The following ROBO1 variants were observed in gnomAD, a reference collection of about 807,000 sequenced individuals.
ROBO1 encodes roundabout guidance receptor 1, also known as roundabout homolog 1.
In ROBO1, 149 loss-of-function variants were observed where a neutral mutation model predicts 195.9. The observed-to-expected ratio is 0.76, with a 90% CI of 0.67 to 0.87. The LOEUF is 0.87. ROBO1 is among the 40% of genes least tolerant of loss of function. ROBO1 has a pLI of 0.00. For synonymous variants in ROBO1, 816 were observed against 733.2 expected, an observed-to-expected ratio of 1.11 and a Z score of -1.82; for missense variants, 1,933 against 2,068.3, an observed-to-expected ratio of 0.93 and a Z score of 1.27.
intron 1 of ROBO1, among the ~76,000 whole-genome samples, chr3:79,738,535 G>GA (rs397938050): frequency 7.1e-6 from 1 of 141,582 alleles, no homozygotes; most frequent in East Asian, 1.9e-4. Flanking sequence ...GACACTCATA[G>GA]AAAAAAGTTA....
chr3:78,834,883 C>T (rs1036137707), intron 4 of ROBO1, among the ~76,000 whole-genome samples: 1 of 151,984 alleles, frequency 6.6e-6, no homozygotes, highest in African/African-American at 2.4e-5. Flanking sequence ...TTCTTTCTTC[C>T]ATACTGATTA....
At chr3:78,987,392 C>A (rs1363363619) in intron 3 of ROBO1, among the ~76,000 whole-genome samples, 1 of 151,840 alleles carries the variant, frequency 6.6e-6, no homozygotes, top group African/African-American at 2.4e-5. Context: ...GACTCTTAAG[C>A]CTCAAGAAAT....
rs1308229074 is a variant in ROBO1, at chr3:78,597,796, C to CCAT, written c.*1114_*1116dup. ...ACAATAAAGTATGCATGTTACTTCA[C>CCAT]CATCTGTCATTATTCAAATATTCCA... On this transcript the variant is annotated 3_prime_UTR_variant, in exon 31 of 31. Coordinates refer to ENST00000464233, the MANE Select transcript of ROBO1 (RefSeq NM_002941.4). The CCAT allele has an allele frequency of 1.3e-5, 2 of 152,378 alleles. No homozygotes were observed. Among genetic ancestry groups the CCAT allele is most frequent in the African/African-American group, 2.4e-5 (1 of 41,376 alleles). The allele number at this position is 152,378 out of a possible 1,614,324, so 9.4% of individuals were successfully genotyped here. A position where few individuals can be genotyped will look rare whatever the true frequency, so the allele number is the denominator to read the frequency against.
chr3:79,014,305 A>G (rs1393365661), intron 3 of ROBO1, among the ~76,000 whole-genome samples: 1 of 151,942 alleles, frequency 6.6e-6, no homozygotes, highest in Non-Finnish European at 1.5e-5. Flanking sequence ...ACCCATCTCT[A>G]CTACTAAAAA....
At chr3:79,629,268 A>G (rs984944410) in intron 1 of ROBO1, among the ~76,000 whole-genome samples, 6 of 152,170 alleles carry the variant, frequency 3.9e-5, no homozygotes, top group African/African-American at 1.4e-4. Context: ...ATAAGTCTCA[A>G]TAAATTCAAA....
At chr3:79,556,889 A>G (rs1436087962) in intron 2 of ROBO1, among the ~76,000 whole-genome samples, 1 of 151,408 alleles carries the variant, frequency 6.6e-6, no homozygotes, top group Admixed American at 6.6e-5. Context: ...TTACTCTCAC[A>G]TGCAATTTTT....
At chr3:79,337,155 A>C (rs1559827825) in intron 2 of ROBO1, among the ~76,000 whole-genome samples, 2 of 152,236 alleles carry the variant, frequency 1.3e-5, no homozygotes, top group East Asian at 3.9e-4. Flanking sequence ...GAGACTTTGG[A>C]CTATGGACTT....
chr3:79,589,388 C>A (rs1354855055), intron 2 of ROBO1, among the ~76,000 whole-genome samples: 1 of 151,668 alleles, frequency 6.6e-6, no homozygotes, highest in East Asian at 1.9e-4. Context: ...CATTGTTCAG[C>A]CTGTTAATTA....
chr3:78,966,020 C>T lies in ROBO1; in HGVS notation c.173-27093G>A, dbSNP rs544576245. Among the ~76,000 whole-genome samples, 19 of 152,274 alleles carry T rather than the reference C, an allele frequency of 1.2e-4. 1 individual carries two copies. Among genetic ancestry groups the T allele is most frequent in the African/African-American group, 3.4e-4 (14 of 41,564 alleles). ...GTCCCCAATCCCCAGCTGCAGCAGC[C>T]GGCATTAGCCCCTGAGCTCCATCTC... On this transcript the variant is annotated intron_variant, in intron 3 of 30. Transcript: ENST00000464233.
chr3:79,264,961 G>C (rs983356230), intron 2 of ROBO1, among the ~76,000 whole-genome samples: 1 of 151,806 alleles, frequency 6.6e-6, no homozygotes, highest in Non-Finnish European at 1.5e-5. Context: ...TGAAACAGCC[G>C]GATTCTAGGT....
intron 2 of ROBO1, among the ~76,000 whole-genome samples, chr3:79,149,513 TTTGTTG>T (rs4068910): frequency 5.4e-4 from 81 of 149,248 alleles, no homozygotes; most frequent in African/African-American, 1.5e-3. Flanking sequence ...TCGAACTGTG[TTTGTTG>T]TTGTTGTTGT....
At chr3:78,956,435 G>T (rs1199661019) in intron 3 of ROBO1, among the ~76,000 whole-genome samples, 1 of 152,122 alleles carries the variant, frequency 6.6e-6, no homozygotes, top group African/African-American at 2.4e-5. Context: ...CTTGAGAGTG[G>T]TGTAATTCTT....
chr3:79,591,088 T>C (rs1943986068), intron 1 of ROBO1, among the ~76,000 whole-genome samples: 1 of 151,798 alleles, frequency 6.6e-6, no homozygotes, highest in African/African-American at 2.4e-5. Context: ...TTGACAAATT[T>C]TAGATTTGCG....
chr3:79,678,685 T>C (rs1309568566), intron 1 of ROBO1, among the ~76,000 whole-genome samples: 2 of 152,120 alleles, frequency 1.3e-5, no homozygotes, highest in South Asian at 2.1e-4. Context: ...ACTGTAGTAG[T>C]TTGATAATGT....
intron 3 of ROBO1, among the ~76,000 whole-genome samples, chr3:79,072,827 T>A (rs2079111819): frequency 6.6e-6 from 1 of 151,902 alleles, no homozygotes; most frequent in South Asian, 2.1e-4. Flanking sequence ...AAAAACAGAG[T>A]TATTATAGAA....
intron 4 of ROBO1, among the ~76,000 whole-genome samples, chr3:78,791,248 G>T (rs1368060991): frequency 6.6e-6 from 1 of 152,120 alleles, no homozygotes; most frequent in Non-Finnish European, 1.5e-5. Flanking sequence ...GGTTAGGAGA[G>T]AATCAGAAGT....
At chr3:78,665,160 C>A (rs1442092302) in intron 14 of ROBO1, among the ~76,000 whole-genome samples, 1 of 152,098 alleles carries the variant, frequency 6.6e-6, no homozygotes, top group African/African-American at 2.4e-5. Flanking sequence ...TCTTAAAAGT[C>A]CATCTGAAAA....
intron 3 of ROBO1, among the ~76,000 whole-genome samples, chr3:79,072,256 T>C (rs1409225042): frequency 6.6e-6 from 1 of 151,868 alleles, no homozygotes; most frequent in Non-Finnish European, 1.5e-5. Context: ...TCATAGAAAC[T>C]CCATGCAGAG....
intron 3 of ROBO1, among the ~76,000 whole-genome samples, chr3:78,949,602 CAAGGACTTCATGTCTAA>C (rs1325551148): frequency 4.6e-5 from 7 of 152,020 alleles, no homozygotes; most frequent in Non-Finnish European, 1.0e-4. Context: ...TAGGCATGGG[CAAGGACTTCATGTCTAA>C]AACACCAAAA....
Sources: gnomAD v4.1 joint callset for allele counts (sites outside exome capture counted in the v4.1 genomes callset) on GRCh38, gnomAD v4.1.1 for gene constraint, MANE v1.5 for transcripts, NCBI Gene and HGNC (gene_info 2026-07-23, HGNC 2026-07-21) for gene names.